Variants in DPP10 observed in about 807,000 individuals in gnomAD.
The protein encoded by DPP10 is dipeptidyl peptidase like 10, also known as inactive dipeptidyl peptidase 10.
In DPP10, 33 loss-of-function variants were observed where a neutral mutation model predicts 120.9. That is an observed-to-expected ratio of 0.27 (90% CI 0.21 to 0.37). The LOEUF (loss-of-function observed/expected upper bound fraction) is 0.37, where lower values mean the gene tolerates loss of function less well. DPP10 is among the 10% of genes least tolerant of loss of function. The pLI is 1.00. For missense variants in DPP10, 816 were observed against 942.8 expected (o/e 0.87, Z 1.76); for synonymous variants, 337 against 326.1 (o/e 1.03, Z -0.36).
At chr2:114,839,072 T>C (rs944020217) in intron 1 of DPP10, among the ~76,000 whole-genome samples, 2 of 152,192 alleles carry the variant, frequency 1.3e-5, no homozygotes, top group Non-Finnish European at 2.9e-5. Context: ...AAGTACACTA[T>C]TGAAAATCAG....
chr2:115,480,325 G>A (rs1226365038), intron 3 of DPP10, among the ~76,000 whole-genome samples: 2 of 152,074 alleles, frequency 1.3e-5, no homozygotes, highest in Non-Finnish European at 2.9e-5. Context: ...CCCATTGTAG[G>A]TGTTAAGAAA....
intron 1 of DPP10, among the ~76,000 whole-genome samples, chr2:115,286,540 T>TAA (rs1284549998): frequency 5.6e-5 from 6 of 107,338 alleles, no homozygotes; most frequent in East Asian, 2.6e-4. Context: ...TATATATATA[T>TAA]AAAATATATA....
intron 1 of DPP10, among the ~76,000 whole-genome samples, chr2:114,964,199 G>A (rs1698843070): frequency 1.3e-5 from 2 of 152,208 alleles, no homozygotes; most frequent in South Asian, 2.1e-4. Context: ...AAATTAAAAT[G>A]TATTTACAAA....
intron 1 of DPP10, among the ~76,000 whole-genome samples, chr2:115,192,505 A>G (rs1340660338): frequency 1.3e-5 from 2 of 152,194 alleles, no homozygotes; most frequent in East Asian, 3.9e-4. Flanking sequence ...TTGGAACAAG[A>G]TTTACCTCAT....
At chr2:114,700,297 T>C (rs1421501220) in intron 1 of DPP10, among the ~76,000 whole-genome samples, 1 of 152,106 alleles carries the variant, frequency 6.6e-6, no homozygotes, top group African/African-American at 2.4e-5. Flanking sequence ...TATCATCCTA[T>C]GGAGATACCA....
chr2:115,368,246 T>C (rs1191085167), intron 3 of DPP10, among the ~76,000 whole-genome samples: 1 of 152,084 alleles, frequency 6.6e-6, no homozygotes, highest in East Asian at 1.9e-4. Context: ...AGCCTAAGCC[T>C]GGGGACAGGA....
At chr2:114,710,673 A>G (rs1262978447) in intron 1 of DPP10, among the ~76,000 whole-genome samples, 1 of 152,216 alleles carries the variant, frequency 6.6e-6, no homozygotes, top group Admixed American at 6.5e-5. Flanking sequence ...TGAACCCAGG[A>G]GACGGAGGTT....
intron 2 of DPP10, among the ~76,000 whole-genome samples, chr2:115,317,635 T>TC (rs2061858554): frequency 6.6e-6 from 1 of 151,388 alleles, no homozygotes; most frequent in Non-Finnish European, 1.5e-5. Flanking sequence ...TTCTTTTCTT[T>TC]TTTTTTTTTT....
chr2:115,057,754 G>A (rs957371981), intron 1 of DPP10, among the ~76,000 whole-genome samples: 4 of 152,274 alleles, frequency 2.6e-5, no homozygotes, highest in African/African-American at 9.6e-5. Context: ...GATAACGGGT[G>A]TAAATAAGAA....
chr2:114,752,441 C>T (rs777584970), intron 1 of DPP10, among the ~76,000 whole-genome samples: 1 of 152,160 alleles, frequency 6.6e-6, no homozygotes, highest in African/African-American at 2.4e-5. Flanking sequence ...AGATTAGAGC[C>T]TCGAATTAAA....
At position 115,267,616 on chromosome 2, in the gene DPP10, C is replaced by G. The variant is rs2059513646; in HGVS notation, c.61-41623C>G. Among the ~76,000 whole-genome samples the G allele has an allele frequency of 2.0e-5, 3 of 152,142 alleles. 1 individual carries two copies. Among genetic ancestry groups the G allele is most frequent in the Non-Finnish European group, 1.5e-5 (1 of 68,010 alleles). On this transcript the variant is annotated intron_variant, in intron 1 of 25. Transcript: ENST00000410059. ...CTACCTCTCTCACCTTTATTTCACT[C>G]TCTTCCTTCTAATCTTGTCACTTTG...
intron 21 of DPP10, among the ~76,000 whole-genome samples, chr2:115,824,306 A>AT (rs1688094897): frequency 4.6e-5 from 7 of 151,886 alleles, no homozygotes; most frequent in Non-Finnish European, 1.5e-5. Flanking sequence ...TTTATTTTTA[A>AT]TTTTTTTAAA....
chr2:114,741,324 G>T lies in DPP10; in HGVS notation c.60+298486G>T, dbSNP rs367581515. Among the ~76,000 whole-genome samples, 27 of 152,298 alleles carry T rather than the reference G, an allele frequency of 1.8e-4. No homozygotes were observed. The East Asian group carries it at 3.7e-3, about 21-fold the overall frequency. ...TTTCCACTATTATTCTTGCAGTTCA[G>T]GGTAATTTCTGTGCAGCAGCAAAGA... is the stretch of plus-strand genomic sequence containing the variant. On this transcript the variant is annotated intron_variant, in intron 1 of 25. Coordinates refer to ENST00000410059, the MANE Select transcript of DPP10 (RefSeq NM_020868.6).
chr2:115,489,022 G>A (rs1471914775), intron 3 of DPP10, among the ~76,000 whole-genome samples: 2 of 151,994 alleles, frequency 1.3e-5, no homozygotes, highest in East Asian at 1.9e-4. Context: ...TGCAATGATC[G>A]GTGATTAACG....
At chr2:115,334,795 A>G (rs1437082907) in intron 2 of DPP10, among the ~76,000 whole-genome samples, 1 of 152,068 alleles carries the variant, frequency 6.6e-6, no homozygotes, top group East Asian at 1.9e-4. Flanking sequence ...AATAAAGACA[A>G]TAGCTAAAAG....
chr2:115,348,493 T>A (rs979014138), intron 3 of DPP10, among the ~76,000 whole-genome samples: 5 of 152,184 alleles, frequency 3.3e-5, no homozygotes, highest in Non-Finnish European at 7.3e-5. Context: ...TAGTTTTTTT[T>A]TATAATTTTA....
intron 5 of DPP10, among the ~76,000 whole-genome samples, chr2:115,619,474 G>A (rs952158004): frequency 3.9e-5 from 6 of 152,004 alleles, no homozygotes; most frequent in South Asian, 2.1e-4. Flanking sequence ...ACTATCCTTC[G>A]CATGACATTG....
chr2:114,571,801 C>T (rs558796856), intron 1 of DPP10, among the ~76,000 whole-genome samples: 10 of 149,576 alleles, frequency 6.7e-5, no homozygotes, highest in East Asian at 3.9e-4. Flanking sequence ...AATATTTATA[C>T]TACATATATT....
chr2:115,324,101 A>T (rs918533526), intron 2 of DPP10, among the ~76,000 whole-genome samples: 2 of 151,972 alleles, frequency 1.3e-5, no homozygotes, highest in Non-Finnish European at 2.9e-5. Context: ...CACGATGAGA[A>T]TCCATCTCTA....
Sources: gnomAD v4.1 joint callset for allele counts (sites outside exome capture counted in the v4.1 genomes callset) on GRCh38, gnomAD v4.1.1 for gene constraint, MANE v1.5 for transcripts, NCBI Gene and HGNC (gene_info 2026-07-23, HGNC 2026-07-21) for gene names.